The following CDC5L variants were observed in gnomAD, a reference collection of about 807,000 sequenced individuals.
The protein encoded by CDC5L is cell division cycle 5 like.
In CDC5L, 18 loss-of-function variants were observed where a neutral mutation model predicts 104.1. The ratio of observed to expected loss-of-function variants is 0.17; its 90% confidence interval spans 0.12 to 0.26. The LOEUF is 0.26. Among genes scored for constraint, CDC5L ranks in the 10% least tolerant of loss-of-function variants. CDC5L has a pLI of 1.00. For synonymous variants in CDC5L, 331 were observed against 322.7 expected (o/e 1.03, Z -0.28); for missense variants, 673 against 956.9 (o/e 0.70, Z 3.91).
intron 14 of CDC5L, 81 bp downstream of exon 14, chr6:44,429,991 C>T (rs2153382354): frequency 1.9e-6 from 2 of 1,076,012 alleles, no homozygotes; most frequent in Non-Finnish European, 1.4e-6. Context: ...GAGACAATGT[C>T]AGAAAAACAC....
chr6:44,431,453 A>T (rs564988), intron 14 of CDC5L, among the ~76,000 whole-genome samples: 1 of 151,708 alleles, frequency 6.6e-6, no homozygotes, highest in South Asian at 2.1e-4. Flanking sequence ...GTGATCTAAT[A>T]TCAGCATCAT....
chr6:44,398,659 G>A (rs1790981963), intron 5 of CDC5L, among the ~76,000 whole-genome samples: 3 of 152,034 alleles, frequency 2.0e-5, no homozygotes, highest in Admixed American at 2.0e-4. Context: ...TTCTCATTTT[G>A]GGACATAGGT....
In CDC5L at chr6:44,444,545, C is replaced by T. The variant is rs1793358253; in HGVS notation, c.2092-1110C>T. Among the ~76,000 whole-genome samples the T allele has an allele frequency of 2.6e-5, 4 of 152,098 alleles. No homozygotes were observed. In the East Asian group the frequency reaches 7.7e-4, roughly 29 times the overall value. On this transcript the variant is annotated intron_variant, in intron 14 of 15. Coordinates refer to ENST00000371477, the MANE Select transcript of CDC5L (RefSeq NM_001253.4). Reference sequence around the variant, plus strand: ...GCCTGAGGGGTACTGTTTGTCTCCCCCATTAGCTCTCTGATGCAAGTTAGA... The same window carrying T: ...GCCTGAGGGGTACTGTTTGTCTCCCTCATTAGCTCTCTGATGCAAGTTAGA...
Position 44,408,640 on chromosome 6 carries a change from G to C in CDC5L, c.1092+8G>C. 6.3e-7 allele frequency: 1 copy of C among 1,578,728 alleles called. No individual in the cohort carries two copies. The highest frequency in any genetic ancestry group is 8.7e-7 in the Non-Finnish European group (1 of 1,155,824). ...CAGGACAGAATTCTGCAGGTAACGT[G>C]TCACGTAGTAGAATGAGGCTTTTAC... On this transcript the variant is annotated splice_region_variant and intron_variant, in intron 8 of 15. Coordinates refer to ENST00000371477, the MANE Select transcript of CDC5L (RefSeq NM_001253.4).
intron 2 of CDC5L, 80 bp from the exon 3 acceptor site, chr6:44,392,587 C>T (rs1790671373): frequency 1.6e-6 from 2 of 1,273,982 alleles, no homozygotes; most frequent in South Asian, 1.3e-5. Flanking sequence ...GATGAGAGCA[C>T]AAGTCAGTGT....
intron 7 of CDC5L, among the ~76,000 whole-genome samples, chr6:44,407,413 G>A (rs1310591912): frequency 2.7e-5 from 4 of 150,754 alleles, no homozygotes; most frequent in Non-Finnish European, 1.5e-5. Flanking sequence ...TGCAACCTCC[G>A]CCTTCCGCGT....
rs529485450 is a variant in CDC5L, at chr6:44,392,856, AATATATGT to A, written c.311+33_311+40del. 527 of 1,593,196 alleles carry A rather than the reference AATATATGT, an allele frequency of 3.3e-4. 4 individuals are homozygous for A. The highest frequency in any genetic ancestry group is 3.2e-3 in the South Asian group (291 of 90,178). On this transcript the variant is annotated intron_variant, in intron 3 of 15. Transcript: ENST00000371477. ...AAGTGAGTCTTCAGAAAGAGCATAG[AATATATGT>A]ATATGTTCTGAAAGAGGCTGAATAA...
intron 14 of CDC5L, among the ~76,000 whole-genome samples, chr6:44,443,528 A>T: frequency 6.7e-6 from 1 of 149,104 alleles, no homozygotes. Context: ...ACTCTTTTTC[A>T]TTATTTTTTC....
rs968018981 is a variant in CDC5L at position 44,430,305 on chromosome 6, CAA to C, written c.2091+397_2091+398del. Among the ~76,000 whole-genome samples, 11 of 151,442 alleles carry C rather than the reference CAA, an allele frequency of 7.3e-5. No homozygotes were observed. In the South Asian group the frequency reaches 1.0e-3, roughly 14 times the overall value. The stretch of plus-strand genomic sequence containing the variant: ...GTAACGAGGAGTTTTCTTTTTATAA[CAA>C]AGAGAGTACATTTACAAAACTTAAA... On this transcript the variant is annotated intron_variant, in intron 14 of 15. Coordinates refer to ENST00000371477, the MANE Select transcript of CDC5L (RefSeq NM_001253.4).
intron 8 of CDC5L, among the ~76,000 whole-genome samples, chr6:44,413,216 C>A (rs2153379202): frequency 6.6e-6 from 1 of 152,314 alleles, no homozygotes; most frequent in East Asian, 1.9e-4. Flanking sequence ...CCCTATTCTG[C>A]ACATATATGT....
At chr6:44,406,052 C>G (rs1193784185) in intron 6 of CDC5L, among the ~76,000 whole-genome samples, 1 of 152,086 alleles carries the variant, frequency 6.6e-6, no homozygotes, top group Admixed American at 6.5e-5. Flanking sequence ...CAGGCACGCA[C>G]CACTATGCCT....
chr6:44,442,905 A>T (rs1793268661), intron 14 of CDC5L, among the ~76,000 whole-genome samples: 1 of 152,140 alleles, frequency 6.6e-6, no homozygotes, highest in South Asian at 2.1e-4. Flanking sequence ...ATTTCCTGTA[A>T]TGCAGGTCTA....
At position 44,435,787 on chromosome 6, in the gene CDC5L, G is replaced by GTT. The variant is rs201451466; in HGVS notation, c.2091+5888_2091+5889dup. The GTT allele has an allele frequency of 3.0e-4, 43 of 142,042 alleles. No homozygotes were observed. In the East Asian group the frequency reaches 6.6e-3, roughly 22 times the overall value. 8.8% of individuals were successfully genotyped at this position (142,042 alleles called of 1,614,324 possible). On this transcript the variant is annotated intron_variant, in intron 14 of 15. Transcript: ENST00000371477. ...TAAAATTGGGTGAGTAATAGTTTTT[G>GTT]TTTTTTTTTTTTGAGATGGAATTTT...
At chr6:44,441,932 CT>C (rs145016358) in intron 14 of CDC5L, among the ~76,000 whole-genome samples, 490 of 92,832 alleles carry the variant, frequency 5.3e-3, no homozygotes, top group Admixed American at 6.8e-3. Context: ...AGGTCTTGTT[CT>C]TTTTTTTTTT....
intron 14 of CDC5L, among the ~76,000 whole-genome samples, chr6:44,431,440 A>G (rs116230878): frequency 0.013 from 1,948 of 152,284 alleles, 29 homozygotes; most frequent in Middle Eastern, 0.068. Context: ...TAGCAGTGTA[A>G]TTGTGATCTA....
intron 14 of CDC5L, among the ~76,000 whole-genome samples, chr6:44,445,030 C>T (rs1488036783): frequency 2.0e-5 from 3 of 152,168 alleles, no homozygotes; most frequent in Admixed American, 6.5e-5. Flanking sequence ...TGCCATGAGC[C>T]CCTTCCAGGG....
intron 11 of CDC5L, 23 bp from the exon 12 acceptor site, chr6:44,426,080 A>T: frequency 6.6e-7 from 1 of 1,520,270 alleles, no homozygotes; most frequent in Non-Finnish European, 9.0e-7. Flanking sequence ...GCTGCAATAA[A>T]GGATATAAAA....
At chr6:44,409,045 T>C (rs1318082480) in intron 8 of CDC5L, among the ~76,000 whole-genome samples, 4 of 152,206 alleles carry the variant, frequency 2.6e-5, no homozygotes, top group Admixed American at 2.6e-4. Context: ...CACAGCTTTG[T>C]GTGTTCCCAG....
chr6:44,408,709 GT>G, intron 8 of CDC5L, 77 bp downstream of exon 8: 3 of 1,044,446 alleles, frequency 2.9e-6, no homozygotes, highest in Non-Finnish European at 4.0e-6. Flanking sequence ...GAACTAAGCG[GT>G]TTGGTTGTGT....
Sources: allele counts gnomAD v4.1 joint callset (sites outside exome capture counted in the v4.1 genomes callset), GRCh38; gene constraint gnomAD v4.1.1; transcripts MANE v1.5; gene names NCBI Gene and HGNC (gene_info 2026-07-23, HGNC 2026-07-21).